Variants in DIS3L2 observed in about 807,000 individuals in gnomAD.
The protein encoded by DIS3L2 is DIS3-like exonuclease 2.
In DIS3L2, 34 loss-of-function variants were observed where a neutral mutation model predicts 97.5. The ratio of observed to expected loss-of-function variants is 0.35; its 90% confidence interval spans 0.27 to 0.46. The LOEUF is 0.46. Ranked by LOEUF, DIS3L2 falls within the 20% of genes least tolerant of loss-of-function variation. The pLI, the probability that DIS3L2 is intolerant of heterozygous loss-of-function variation, is 1.00. For missense variants in DIS3L2, 1,038 were observed against 1,146.0 expected, an observed-to-expected ratio of 0.91 and a Z score of 1.36; for synonymous variants, 435 against 445.2, an observed-to-expected ratio of 0.98 and a Z score of 0.29.
intron 5 of DIS3L2, among the ~76,000 whole-genome samples, chr2:232,086,485 A>G (rs1359272596): frequency 2.0e-5 from 3 of 147,696 alleles, no homozygotes; most frequent in Non-Finnish European, 4.5e-5. Flanking sequence ...GAATTCTGGT[A>G]CCTGTGATAT....
At chr2:232,056,049 T>C (rs922607948) in intron 5 of DIS3L2, among the ~76,000 whole-genome samples, 1 of 152,168 alleles carries the variant, frequency 6.6e-6, no homozygotes, top group African/African-American at 2.4e-5. Flanking sequence ...TTCATGACTT[T>C]AGGGGCACCA....
At chr2:232,161,444 A>G (rs1419045088) in intron 8 of DIS3L2, among the ~76,000 whole-genome samples, 2 of 151,994 alleles carry the variant, frequency 1.3e-5, no homozygotes, top group East Asian at 3.9e-4. Flanking sequence ...TCAATTCAAA[A>G]TTCCCTTCCT....
intron 8 of DIS3L2, among the ~76,000 whole-genome samples, chr2:232,159,474 C>A (rs1001210148): frequency 3.9e-5 from 6 of 152,180 alleles, no homozygotes; most frequent in African/African-American, 1.4e-4. Context: ...TTTTGGTTCT[C>A]ACAGAGTGAG....
At chr2:232,143,725 A>AT (rs897635601) in intron 8 of DIS3L2, among the ~76,000 whole-genome samples, 1 of 152,228 alleles carries the variant, frequency 6.6e-6, no homozygotes, top group South Asian at 2.1e-4. Context: ...CACTTCTATA[A>AT]TTTTTGAAAC....
chr2:232,226,986 A>G (rs3103273), intron 10 of DIS3L2, among the ~76,000 whole-genome samples: 14,863 of 151,862 alleles, frequency 0.098, 825 homozygotes, highest in Middle Eastern at 0.17. Context: ...AAACAAATAA[A>G]CAAAAACAAA....
chr2:232,206,565 C>G (rs565846334), intron 9 of DIS3L2, among the ~76,000 whole-genome samples: 1 of 152,180 alleles, frequency 6.6e-6, no homozygotes, highest in South Asian at 2.1e-4. Context: ...TTTAAACATG[C>G]AAAAACTGTT....
chr2:232,017,785 C>T (rs775362758), intron 3 of DIS3L2, among the ~76,000 whole-genome samples: 3 of 152,122 alleles, frequency 2.0e-5, no homozygotes, highest in Admixed American at 1.3e-4. Flanking sequence ...CTTTTAAGTC[C>T]GTGCCTAAAT....
intron 19 of DIS3L2, chr2:232,335,284 T>G (rs371922177): frequency 0.1 from 18,183 of 181,662 alleles, 423 homozygotes; most frequent in African/African-American, 0.24. Flanking sequence ...GCCCTGGGAG[T>G]ACAGTGTCCA....
intron 1 of DIS3L2, among the ~76,000 whole-genome samples, chr2:232,007,368 C>T (rs1694082443): frequency 6.6e-6 from 1 of 152,074 alleles, no homozygotes; most frequent in Non-Finnish European, 1.5e-5. Context: ...TTGATACTTC[C>T]GCTCTCAGTT....
At chr2:232,328,772 G>C (rs998578093) in intron 14 of DIS3L2, 2 of 152,264 alleles carry the variant, frequency 1.3e-5, no homozygotes, top group African/African-American at 4.8e-5. Context: ...CCATGAAGAG[G>C]GTCCTGGTCA....
At chr2:232,138,203 T>A (rs1226694150) in intron 8 of DIS3L2, among the ~76,000 whole-genome samples, 1 of 152,184 alleles carries the variant, frequency 6.6e-6, no homozygotes, top group Non-Finnish European at 1.5e-5. Flanking sequence ...TTATTTTTTT[T>A]ATAGCTGAGC....
At chr2:232,117,309 C>T (rs151093180) in intron 6 of DIS3L2, among the ~76,000 whole-genome samples, 3 of 152,260 alleles carry the variant, frequency 2.0e-5, no homozygotes, top group Non-Finnish European at 4.4e-5. Context: ...AGAGCTTTTG[C>T]CAGTCATTCT....
chr2:232,052,798 G>C (rs1299908788), intron 5 of DIS3L2, among the ~76,000 whole-genome samples: 1 of 152,024 alleles, frequency 6.6e-6, no homozygotes, highest in African/African-American at 2.4e-5. Flanking sequence ...TTATTGAATT[G>C]AAAAATCTTT....
rs144297207 is a variant in DIS3L2, at chr2:232,329,376, C to T, written c.1740-437C>T. The T allele has an allele frequency of 8.3e-3, 1,319 of 159,672 alleles. 23 individuals carry two copies. Among genetic ancestry groups the T allele is most frequent in the Admixed American group, 0.049 (754 of 15,482 alleles). 9.9% of individuals were successfully genotyped at this position (159,672 alleles called of 1,614,324 possible). A position where few individuals can be genotyped will look rare whatever the true frequency, so the allele number is the denominator to read the frequency against. ...GGGCTGAGCTGGGGCCCCAGGGTTCCCATGCCCTGGGCGAGCATGGTGCCC... is the reference window on the plus strand; with the variant it reads ...GGGCTGAGCTGGGGCCCCAGGGTTCTCATGCCCTGGGCGAGCATGGTGCCC... On this transcript the variant is annotated intron_variant, in intron 14 of 20. Transcript: ENST00000325385.
At chr2:232,343,173 A>C in intron 13 of DIS3L2, 1 of 653,058 alleles carries the variant, frequency 1.5e-6, no homozygotes, top group South Asian at 1.9e-5. Flanking sequence ...ACTGTTGACT[A>C]GCTGCAGGCA....
At chr2:232,112,123 G>A (rs73095620) in intron 6 of DIS3L2, among the ~76,000 whole-genome samples, 1,784 of 152,296 alleles carry the variant, frequency 0.012, 37 homozygotes, top group African/African-American at 0.04. Context: ...TTTCTGATGG[G>A]CATTGTCATG....
chr2:232,299,462 G>A (rs1393425689), intron 13 of DIS3L2, among the ~76,000 whole-genome samples: 1 of 152,158 alleles, frequency 6.6e-6, no homozygotes, highest in Non-Finnish European at 1.5e-5. Flanking sequence ...AACTTCACCA[G>A]CCATCCTGCA....
At chr2:232,120,065 T>C (rs1697850636) in intron 6 of DIS3L2, among the ~76,000 whole-genome samples, 1 of 152,156 alleles carries the variant, frequency 6.6e-6, no homozygotes, top group South Asian at 2.1e-4. Context: ...TATCATAGAA[T>C]TCATATACCC....
At chr2:232,224,255 TG>T in intron 10 of DIS3L2, among the ~76,000 whole-genome samples, 1 of 152,308 alleles carries the variant, frequency 6.6e-6, no homozygotes, top group African/African-American at 2.4e-5. Context: ...GAGGAAAAGA[TG>T]GTTTTATCAA....
Sources: allele counts gnomAD v4.1 joint callset (sites outside exome capture counted in the v4.1 genomes callset), GRCh38; gene constraint gnomAD v4.1.1; transcripts MANE v1.5; gene names NCBI Gene and HGNC (gene_info 2026-07-23, HGNC 2026-07-21).